Variants in CNOT1 observed in about 807,000 individuals in gnomAD.
CNOT1 encodes CCR4-associated factor 1.
Under a neutral mutation model 273.8 loss-of-function variants are expected in CNOT1, and 15 were observed. The ratio of observed to expected loss-of-function variants is 0.05; its 90% CI spans 0.04 to 0.08. The LOEUF is 0.08. Among genes scored for constraint, CNOT1 ranks in the 10% least tolerant of loss-of-function variants. The probability of loss-of-function intolerance (pLI) is 1.00; values close to 1 mark genes in which losing one functional copy is unlikely to be tolerated. For missense variants in CNOT1, 1,644 were observed against 2,912.2 expected, an observed-to-expected ratio of 0.56 and a Z score of 10.02; for synonymous variants, 1,022 against 1,005.5, an observed-to-expected ratio of 1.02 and a Z score of -0.31.
At chr16:58,541,285 C>T (rs2040088660) in intron 34 of CNOT1, among the ~76,000 whole-genome samples, 1 of 152,144 alleles carries the variant, frequency 6.6e-6, no homozygotes, top group Non-Finnish European at 1.5e-5. Context: ...TTAGGCCGAA[C>T]ATTAAAGTTA....
rs1481744980 is a variant in CNOT1, at chr16:58,545,449, G to A, written c.4049C>T (p.Thr1350Met). 1 of 1,614,122 alleles carries A rather than the reference G, an allele frequency of 6.2e-7. No individual in the cohort carries two copies. The highest frequency in any genetic ancestry group is 8.5e-7 in the Non-Finnish European group (1 of 1,179,966). Residue 1350 changes from threonine to methionine, a missense_variant, in exon 30 of 49, where the codon ACG becomes ATG. Thr to Met is a moderately conservative substitution (Grantham distance 81, BLOSUM62 -1). Transcript: ENST00000317147. ...GCTGTACTGTGGCTGTGGTGGAACC[G>A]TGGCTGTACAAGTGGTGTTGGTAGC... Reference protein sequence around the residue: ...TPATNTTCTATVPPQPQYSYH... With the variant: ...TPATNTTCTAMVPPQPQYSYH...
chr16:58,524,839 AT>A (rs767743971), intron 46 of CNOT1, among the ~76,000 whole-genome samples: 5 of 152,210 alleles, frequency 3.3e-5, no homozygotes, highest in Non-Finnish European at 7.3e-5. Flanking sequence ...ACACGCACCA[AT>A]AAAAATGCTT....
chr16:58,574,890 T>A lies in CNOT1; in HGVS notation c.1827+117A>T, dbSNP rs1314231993. On this transcript the variant is annotated intron_variant, in intron 15 of 48. Coordinates refer to ENST00000317147, the MANE Select transcript of CNOT1 (RefSeq NM_016284.5). Reference sequence around the variant, plus strand: ...TCTTCATTGCCATTTAAAAAAGTTGTTTCTTTCAAATTTTTCTTTAGTTTA... The same window carrying A: ...TCTTCATTGCCATTTAAAAAAGTTGATTCTTTCAAATTTTTCTTTAGTTTA... The A allele has an allele frequency of 1.9e-6, 3 of 1,559,102 alleles. No homozygotes were observed. In the African/African-American group the frequency reaches 4.2e-5, roughly 22 times the overall value.
chr16:58,534,981 T>TGG (rs2039881164), intron 39 of CNOT1, among the ~76,000 whole-genome samples: 1 of 152,160 alleles, frequency 6.6e-6, no homozygotes, highest in Non-Finnish European at 1.5e-5. Context: ...TAAAATAATG[T>TGG]GGGAAACACA....
At chr16:58,608,324 G>C (rs1024056221) in intron 1 of CNOT1, among the ~76,000 whole-genome samples, 17 of 152,188 alleles carry the variant, frequency 1.1e-4, no homozygotes, top group Non-Finnish European at 2.4e-4. Flanking sequence ...GGAGACCAAA[G>C]AAGGCAGATA....
rs758608790 is a variant in CNOT1, at chr16:58,553,762, T to C, written c.2970+20A>G. On this transcript the variant is annotated intron_variant, in intron 22 of 48. Transcript: ENST00000317147. Reference sequence around the variant, plus strand: ...AAATACTACATAGCTATTTGGGTTTTAGTTACAGAGGGCACTTACCTCCTG... The same window carrying C: ...AAATACTACATAGCTATTTGGGTTTCAGTTACAGAGGGCACTTACCTCCTG... The C allele has an allele frequency of 2.0e-5, 32 of 1,604,330 alleles. No homozygotes were observed. The highest frequency in any genetic ancestry group is 1.7e-4 in the Middle Eastern group (1 of 6,044).
At chr16:58,609,910 TA>T (rs1452843430) in intron 1 of CNOT1, among the ~76,000 whole-genome samples, 2 of 151,492 alleles carry the variant, frequency 1.3e-5, no homozygotes, top group Non-Finnish European at 2.9e-5. Flanking sequence ...AACATGTTAC[TA>T]ACATATACAT....
chr16:58,524,977 T>G (rs190582695), intron 46 of CNOT1, among the ~76,000 whole-genome samples: 144 of 152,384 alleles, frequency 9.4e-4, no homozygotes, highest in African/African-American at 3.4e-3. Flanking sequence ...TGGATAATTC[T>G]TTCCTTTATG....
chr16:58,625,818 G>A (rs1040995205), intron 1 of CNOT1, among the ~76,000 whole-genome samples: 37 of 142,232 alleles, frequency 2.6e-4, no homozygotes, highest in African/African-American at 9.3e-4. Flanking sequence ...GGATTGTGCC[G>A]CTGCACTCCA....
At chr16:58,535,248 A>T (rs2039889560) in intron 39 of CNOT1, among the ~76,000 whole-genome samples, 1 of 152,254 alleles carries the variant, frequency 6.6e-6, no homozygotes, top group African/African-American at 2.4e-5. Flanking sequence ...CCTGATAAGC[A>T]GTAAAGACAA....
At chr16:58,605,271 G>A (rs1025729318) in intron 1 of CNOT1, among the ~76,000 whole-genome samples, 22 of 152,310 alleles carry the variant, frequency 1.4e-4, no homozygotes, top group African/African-American at 5.3e-4. Flanking sequence ...GGGAGGCTGA[G>A]GCGGGTGGAT....
chr16:58,536,273 A>G (rs1241678251), intron 39 of CNOT1, among the ~76,000 whole-genome samples: 1 of 152,234 alleles, frequency 6.6e-6, no homozygotes, highest in Admixed American at 6.5e-5. Flanking sequence ...CAGGAAAAGT[A>G]CCACTCTTGC....
chr16:58,586,458 G>T (rs527336665), intron 7 of CNOT1, 87 bp downstream of exon 7: 1 of 457,184 alleles, frequency 2.2e-6, no homozygotes. Flanking sequence ...AGGGGAGGGT[G>T]AGGGGAGGGG....
intron 1 of CNOT1, among the ~76,000 whole-genome samples, chr16:58,604,175 C>G (rs2042580293): frequency 6.6e-6 from 1 of 152,148 alleles, no homozygotes; most frequent in Non-Finnish European, 1.5e-5. Flanking sequence ...AAACAGCCTT[C>G]CAATAAACCT....
intron 16 of CNOT1, among the ~76,000 whole-genome samples, chr16:58,574,028 A>T (rs1195155863): frequency 6.6e-6 from 1 of 152,032 alleles, no homozygotes; most frequent in African/African-American, 2.4e-5. Context: ...TGGCAGGAGG[A>T]TCACTTGAGC....
chr16:58,546,405 G>T lies in CNOT1; in HGVS notation c.3922C>A (p.Arg1308Ser). ...AGTTGCTCATCTAAATTCTTCAGGCGATCTTTATCCTTTAGGAGGTTTCCA... is the reference window on the plus strand; with the variant it reads ...AGTTGCTCATCTAAATTCTTCAGGCTATCTTTATCCTTTAGGAGGTTTCCA... The part of the protein sequence containing the change: ...KPGNLLKDKD[R>S]LKNLDEQLSA... Residue 1308 changes from arginine to serine, a missense_variant, in exon 29 of 49, where the codon CGC becomes AGC. By Grantham distance (110) the Arg-to-Ser change is moderately radical (BLOSUM62 -1). Transcript: ENST00000317147. The T allele has an allele frequency of 1.2e-6, 2 of 1,613,888 alleles. No homozygotes were observed. The highest frequency in any genetic ancestry group is 1.1e-5 in the South Asian group (1 of 91,066).
rs114848028 is a variant in CNOT1, at chr16:58,579,869, G to A, written c.1343+764C>T. Among the ~76,000 whole-genome samples the A allele has an allele frequency of 4.8e-3, 730 of 152,174 alleles. 10 individuals are homozygous for A. The highest frequency in any genetic ancestry group is 0.017 in the African/African-American group (686 of 41,518). On this transcript the variant is annotated intron_variant, in intron 12 of 48. Coordinates refer to ENST00000317147, the MANE Select transcript of CNOT1 (RefSeq NM_016284.5). The stretch of plus-strand genomic sequence containing the variant: ...CCAGGCCGGACTAAGATTCTACCTC[G>A]AAAATTTGAAACTGGAACTCAGAGA...
chr16:58,586,779 T>C, intron 6 of CNOT1, 31 bp from the exon 7 acceptor site: 1 of 1,607,724 alleles, frequency 6.2e-7, no homozygotes, highest in Non-Finnish European at 8.5e-7. Context: ...AAACCGCAAG[T>C]TACTTTTGCA....
chr16:58,582,817 G>C lies in CNOT1; in HGVS notation c.1020C>G (p.Val340=). 1 of 1,513,208 alleles carries C rather than the reference G, an allele frequency of 6.6e-7. No homozygotes were observed. The highest frequency in any genetic ancestry group is 9.2e-7 in the Non-Finnish European group (1 of 1,088,014). 93.7% of individuals were successfully genotyped at this position (1,513,208 alleles called of 1,614,324 possible). ...GAQAHTWNVE[V]LIDVLKELNP... ...CCAGTTCTTTAAGAACGTCAATCAA[G>C]ACTTCTACATTCCATGTGTGTGCCT... Residue 340 remains valine (V), a synonymous_variant, in exon 10 of 49, where the codon GTC becomes GTG. Coordinates refer to ENST00000317147, the MANE Select transcript of CNOT1 (RefSeq NM_016284.5).
Sources: gnomAD v4.1 joint callset for allele counts (sites outside exome capture counted in the v4.1 genomes callset) on GRCh38, gnomAD v4.1.1 for gene constraint, MANE v1.5 for transcripts, NCBI Gene and HGNC (gene_info 2026-07-23, HGNC 2026-07-21) for gene names.